Variants in TGFBR2 observed in about 807,000 individuals in gnomAD.
TGFBR2 encodes the protein TGF-beta receptor type-2.
In TGFBR2, 18 loss-of-function variants were observed where a neutral mutation model predicts 49.0. The ratio of observed to expected loss-of-function variants is 0.37; its 90% CI spans 0.25 to 0.54. The LOEUF (loss-of-function observed/expected upper bound fraction) is 0.54, where lower values mean the gene tolerates loss of function less well. Among genes scored for constraint, TGFBR2 ranks in the 20% least tolerant of loss-of-function variants. TGFBR2 has a pLI of 0.85. For synonymous variants in TGFBR2, 282 were observed against 275.9 expected, an observed-to-expected ratio of 1.02 and a Z score of -0.22; for missense variants, 525 against 722.6, an observed-to-expected ratio of 0.73 and a Z score of 3.13.
intron 1 of TGFBR2, among the ~76,000 whole-genome samples, chr3:30,636,901 A>G (rs2125397624): frequency 6.6e-6 from 1 of 152,138 alleles, no homozygotes; most frequent in East Asian, 1.9e-4. Flanking sequence ...CGTCTCTACT[A>G]AAAATACAAA....
chr3:30,612,042 G>T (rs980489649), intron 1 of TGFBR2, among the ~76,000 whole-genome samples: 8 of 152,106 alleles, frequency 5.3e-5, no homozygotes, highest in Non-Finnish European at 1.2e-4. Context: ...TGCTCCACAG[G>T]TACTTGTTGC....
At chr3:30,621,652 A>G (rs1459987080) in intron 1 of TGFBR2, among the ~76,000 whole-genome samples, 1 of 152,170 alleles carries the variant, frequency 6.6e-6, no homozygotes, top group Admixed American at 6.5e-5. Flanking sequence ...AATGCTTTTA[A>G]TTTAGCATGT....
At chr3:30,685,203 GA>G (rs1157709420) in intron 5 of TGFBR2, among the ~76,000 whole-genome samples, 1 of 152,206 alleles carries the variant, frequency 6.6e-6, no homozygotes, top group Non-Finnish European at 1.5e-5. Context: ...GAAAAAGCAT[GA>G]AAGCTTTCTA....
chr3:30,607,801 T>A (rs185882198), intron 1 of TGFBR2, among the ~76,000 whole-genome samples: 13,146 of 131,846 alleles, frequency 0.1, 804 homozygotes, highest in Admixed American at 0.2. Flanking sequence ...AATAAAAAAA[T>A]ATATATATAT....
intron 1 of TGFBR2, chr3:30,623,273 A>C: frequency 6.2e-7 from 1 of 1,614,012 alleles, no homozygotes; most frequent in Non-Finnish European, 8.5e-7. Flanking sequence ...ACTGAGACAT[A>C]GTAAAGTATC....
At chr3:30,686,570 A>G (rs1429727595) in intron 5 of TGFBR2, among the ~76,000 whole-genome samples, 1 of 152,238 alleles carries the variant, frequency 6.6e-6, no homozygotes, top group Admixed American at 6.5e-5. Context: ...AAATGAACAA[A>G]GAACAAAAAC....
At chr3:30,689,907 T>A (rs560863275) in intron 6 of TGFBR2, among the ~76,000 whole-genome samples, 210 of 152,388 alleles carry the variant, frequency 1.4e-3, no homozygotes, top group African/African-American at 4.9e-3. Flanking sequence ...TTTAATTTAC[T>A]GCCTGTAATT....
At chr3:30,662,135 T>C (rs1699144150) in intron 3 of TGFBR2, among the ~76,000 whole-genome samples, 1 of 152,192 alleles carries the variant, frequency 6.6e-6, no homozygotes, top group Non-Finnish European at 1.5e-5. Flanking sequence ...GGACCAATAA[T>C]AGAAGCACAC....
intron 3 of TGFBR2, 77 bp from the exon 4 acceptor site, chr3:30,671,561 C>T: frequency 1.4e-6 from 2 of 1,425,158 alleles, no homozygotes; most frequent in South Asian, 1.2e-5. Flanking sequence ...TATAGATGCT[C>T]AGGCATGAAC....
intron 3 of TGFBR2, among the ~76,000 whole-genome samples, chr3:30,658,573 C>T (rs1285827578): frequency 6.6e-6 from 1 of 152,200 alleles, no homozygotes; most frequent in East Asian, 1.9e-4. Context: ...ACGTTGCTGA[C>T]TCGCAAGCTA....
chr3:30,687,647 C>T (rs566436306), intron 5 of TGFBR2, among the ~76,000 whole-genome samples: 33 of 152,274 alleles, frequency 2.2e-4, no homozygotes, highest in African/African-American at 7.0e-4. Context: ...TAAGTACCTT[C>T]GCAGTGCTCT....
intron 3 of TGFBR2, among the ~76,000 whole-genome samples, chr3:30,662,277 C>T (rs1305797312): frequency 2.0e-5 from 3 of 152,176 alleles, no homozygotes; most frequent in African/African-American, 7.2e-5. Context: ...TGATGTCCTT[C>T]TACCATAACA....
chr3:30,683,229 A>G (rs62244425), intron 5 of TGFBR2, among the ~76,000 whole-genome samples: 5,458 of 152,302 alleles, frequency 0.036, 113 homozygotes, highest in East Asian at 0.097. Context: ...TGCATCTCAC[A>G]TTCCTTAAGA....
intron 1 of TGFBR2, among the ~76,000 whole-genome samples, chr3:30,608,345 C>T (rs566043394): frequency 1.4e-3 from 219 of 152,240 alleles, no homozygotes; most frequent in African/African-American, 5.0e-3. Context: ...CCTTAGTTTC[C>T]TCATCTGTAA....
At chr3:30,680,636 A>G (rs998681492) in intron 5 of TGFBR2, among the ~76,000 whole-genome samples, 3 of 152,128 alleles carry the variant, frequency 2.0e-5, no homozygotes, top group African/African-American at 7.2e-5. Context: ...CTTGGGGGAT[A>G]GATAATGAAA....
chr3:30,641,835 G>C (rs1255931422), intron 1 of TGFBR2, among the ~76,000 whole-genome samples: 1 of 151,976 alleles, frequency 6.6e-6, no homozygotes, highest in Non-Finnish European at 1.5e-5. Context: ...TGGTGCTCCT[G>C]GAGCTGTGCA....
In TGFBR2 at chr3:30,671,891, C is replaced by T. The variant is rs141554621; in HGVS notation, c.708C>T (p.Asn236=). ...GCTCCACGTGTGCCAACAACATCAACCACAACACAGAGCTGCTGCCCATTG... is the reference window on the plus strand; with the variant it reads ...GCTCCACGTGTGCCAACAACATCAATCACAACACAGAGCTGCTGCCCATTG... ...DISSTCANNI[N]HNTELLPIEL... Residue 236 remains asparagine, a synonymous_variant, in exon 4 of 7, where the codon AAC becomes AAT. Coordinates refer to ENST00000295754, the MANE Select transcript of TGFBR2 (RefSeq NM_003242.6). 15 of 1,614,120 alleles carry T rather than the reference C, an allele frequency of 9.3e-6. No homozygotes were observed. Among genetic ancestry groups the T allele is most frequent in the African/African-American group, 8.0e-5 (6 of 74,936 alleles).
intron 1 of TGFBR2, among the ~76,000 whole-genome samples, chr3:30,623,476 A>G (rs1319463401): frequency 6.6e-6 from 1 of 152,238 alleles, no homozygotes; most frequent in Non-Finnish European, 1.5e-5. Flanking sequence ...GCCCAATTTA[A>G]GACTGGAGAA....
At chr3:30,671,327 C>T (rs1228472807) in intron 3 of TGFBR2, among the ~76,000 whole-genome samples, 1 of 152,048 alleles carries the variant, frequency 6.6e-6, no homozygotes, top group Non-Finnish European at 1.5e-5. Flanking sequence ...GAATTGTTAC[C>T]TAGGAAAAGT....
Sources: allele counts gnomAD v4.1 joint callset (sites outside exome capture counted in the v4.1 genomes callset), GRCh38; gene constraint gnomAD v4.1.1; transcripts MANE v1.5; gene names NCBI Gene and HGNC (gene_info 2026-07-23, HGNC 2026-07-21).